WWTR1: variants seen among roughly 807,000 people sequenced by gnomAD.
WWTR1 encodes WW domain containing transcription regulator 1.
In WWTR1, 13 loss-of-function variants were observed where a neutral mutation model predicts 40.1. The observed-to-expected ratio is 0.32, with a 90% CI of 0.21 to 0.52. WWTR1 has a LOEUF of 0.52. Among genes scored for constraint, WWTR1 ranks in the 20% least tolerant of loss-of-function variants. The pLI, the probability that WWTR1 is intolerant of heterozygous loss-of-function variation, is 0.97. For missense variants in WWTR1, 436 were observed against 523.1 expected (o/e 0.83, Z 1.63); for synonymous variants, 230 against 210.1 (o/e 1.09, Z -0.82).
At chr3:149,607,418 C>A (rs147767381) in intron 2 of WWTR1, among the ~76,000 whole-genome samples, 58 of 152,262 alleles carry the variant, frequency 3.8e-4, no homozygotes, top group African/African-American at 1.4e-3. Flanking sequence ...GGATTCACGC[C>A]ATTCTCCTGC....
chr3:149,593,211 G>A (rs1030689707), intron 2 of WWTR1, among the ~76,000 whole-genome samples: 11 of 152,218 alleles, frequency 7.2e-5, no homozygotes, highest in Admixed American at 6.5e-5. Flanking sequence ...GCCCCACAAC[G>A]TAGAATCGAG....
At chr3:149,535,711 A>AG in intron 4 of WWTR1, among the ~76,000 whole-genome samples, 1 of 143,686 alleles carries the variant, frequency 7.0e-6, no homozygotes, top group Admixed American at 6.9e-5. Context: ...TCTTCACTTA[A>AG]AAAAAAAAAA....
Position 149,564,399 on chromosome 3 carries a change from T to C in WWTR1, c.568+8465A>G, listed in dbSNP as rs762021272. ...TGAGCATTCTTGGTTTTGTCTTTAA[T>C]ACACATGGGGCCTGGAGCCTTTTTT... is the stretch of plus-strand genomic sequence containing the variant. On this transcript the variant is annotated intron_variant, in intron 3 of 6. Coordinates refer to ENST00000360632, the MANE Select transcript of WWTR1 (RefSeq NM_015472.6). 4.6e-4 allele frequency among the ~76,000 whole-genome samples: 70 copies of C among 152,042 alleles called. 1 individual carries two copies. Among genetic ancestry groups the C allele is most frequent in the Non-Finnish European group, 1.2e-4 (8 of 68,014 alleles).
chr3:149,552,491 T>C (rs1186995740), intron 3 of WWTR1, among the ~76,000 whole-genome samples: 2 of 152,246 alleles, frequency 1.3e-5, no homozygotes, highest in East Asian at 3.9e-4. Context: ...GCCTCACCCA[T>C]AACTCATCTT....
intron 4 of WWTR1, among the ~76,000 whole-genome samples, chr3:149,538,628 C>G (rs923951707): frequency 1.3e-5 from 2 of 152,296 alleles, no homozygotes; most frequent in East Asian, 3.9e-4. Flanking sequence ...AGCAGAGATA[C>G]CAAACCTTAC....
At chr3:149,657,414 A>G in intron 1 of WWTR1, 105 bp from the exon 2 acceptor site, 1 of 1,319,244 alleles carries the variant, frequency 7.6e-7, no homozygotes, top group South Asian at 1.5e-5. Flanking sequence ...ATAGAGGGAA[A>G]AGGAAACGAG....
In WWTR1 at chr3:149,519,015, T is replaced by G. The variant is rs1365669209; in HGVS notation, c.*1790A>C. The G allele has an allele frequency of 6.6e-6, 1 of 152,096 alleles. No individual in the cohort carries two copies. The highest frequency in any genetic ancestry group is 1.5e-5 in the Non-Finnish European group (1 of 68,024). The allele number at this position is 152,096 out of a possible 1,614,324, so 9.4% of individuals were successfully genotyped here. A position where few individuals can be genotyped will look rare whatever the true frequency, so the allele number is the denominator to read the frequency against. On this transcript the variant is annotated 3_prime_UTR_variant, in exon 7 of 7. Coordinates refer to ENST00000360632, the MANE Select transcript of WWTR1 (RefSeq NM_015472.6). ...ATATTCCGGTAGATCAAAAGGAATC[T>G]TATTTAAGATCCCCAACAAATAAGT...
intron 6 of WWTR1, 148 bp from the exon 7 acceptor site, chr3:149,521,137 G>T (rs1225101295): frequency 1.0e-6 from 1 of 962,192 alleles, no homozygotes; most frequent in Non-Finnish European, 1.5e-6. Flanking sequence ...AGATGTGGAA[G>T]AAATCGAAAA....
chr3:149,527,153 C>CTTT (rs755334881), intron 5 of WWTR1, among the ~76,000 whole-genome samples: 2 of 144,426 alleles, frequency 1.4e-5, no homozygotes, highest in African/African-American at 5.2e-5. Context: ...CTTTTCTTTT[C>CTTT]TTTCTTTTTT....
At position 149,612,751 on chromosome 3, in the gene WWTR1, G is replaced by A. The variant is rs377022159; in HGVS notation, c.432-39751C>T. Among the ~76,000 whole-genome samples, 5 of 152,258 alleles carry A rather than the reference G, an allele frequency of 3.3e-5. No individual in the cohort carries two copies. In the East Asian group the frequency reaches 7.7e-4, roughly 23 times the overall value. On this transcript the variant is annotated intron_variant, in intron 2 of 6. Coordinates refer to ENST00000360632, the MANE Select transcript of WWTR1 (RefSeq NM_015472.6). Reference sequence around the variant, plus strand: ...GAGTTATTCTCAGCATTTGTCATATGAGAGATCAGAATTCCTGCACTCGTC... The same window carrying A: ...GAGTTATTCTCAGCATTTGTCATATAAGAGATCAGAATTCCTGCACTCGTC...
At chr3:149,584,567 C>T (rs547529838) in intron 2 of WWTR1, among the ~76,000 whole-genome samples, 6 of 152,252 alleles carry the variant, frequency 3.9e-5, no homozygotes, top group African/African-American at 9.6e-5. Context: ...ACTGAGGCAT[C>T]GAAAGGGACC....
intron 4 of WWTR1, among the ~76,000 whole-genome samples, chr3:149,532,330 A>G (rs1194056053): frequency 1.3e-5 from 2 of 152,240 alleles, no homozygotes; most frequent in South Asian, 2.1e-4. Flanking sequence ...GAACTGATCC[A>G]CTTTAAGTGG....
intron 2 of WWTR1, among the ~76,000 whole-genome samples, chr3:149,668,712 A>G (rs994910900): frequency 1.3e-5 from 2 of 152,174 alleles, no homozygotes; most frequent in African/African-American, 4.8e-5. Context: ...AGTAGTTACC[A>G]ATGGGGAACG....
intron 4 of WWTR1, among the ~76,000 whole-genome samples, chr3:149,719,236 T>C (rs11920290): frequency 0.32 from 49,191 of 151,428 alleles, 8,191 homozygotes; most frequent in South Asian, 0.4. Context: ...TGGCATCATC[T>C]TGGGGCTCAC....
intron 2 of WWTR1, among the ~76,000 whole-genome samples, chr3:149,653,076 A>G (rs1712987325): frequency 6.6e-6 from 1 of 152,252 alleles, no homozygotes; most frequent in Admixed American, 6.5e-5. Context: ...CAAATGTTAT[A>G]GTCTGAATTG....
intron 2 of WWTR1, among the ~76,000 whole-genome samples, chr3:149,664,440 A>G (rs955871112): frequency 5.3e-5 from 8 of 152,226 alleles, no homozygotes; most frequent in Non-Finnish European, 8.8e-5. Flanking sequence ...AAATATGCAA[A>G]TACCTAAATA....
At chr3:149,635,225 G>C (rs1711755657) in intron 2 of WWTR1, among the ~76,000 whole-genome samples, 1 of 152,106 alleles carries the variant, frequency 6.6e-6, no homozygotes, top group Non-Finnish European at 1.5e-5. Flanking sequence ...TGTATTTTTA[G>C]TAATTGGACT....
intron 2 of WWTR1, among the ~76,000 whole-genome samples, chr3:149,652,943 T>C (rs1712979778): frequency 6.6e-6 from 1 of 152,196 alleles, no homozygotes; most frequent in Non-Finnish European, 1.5e-5. Flanking sequence ...TTTCAACAAA[T>C]GTCCTCCTGT....
intron 2 of WWTR1, among the ~76,000 whole-genome samples, chr3:149,609,342 C>G (rs1739631053): frequency 6.6e-6 from 1 of 152,116 alleles, no homozygotes; most frequent in Admixed American, 6.5e-5. Flanking sequence ...ACTACACCTC[C>G]CCACCTAAGA....
Sources: allele counts gnomAD v4.1 joint callset (sites outside exome capture counted in the v4.1 genomes callset), GRCh38; gene constraint gnomAD v4.1.1; transcripts MANE v1.5; gene names NCBI Gene and HGNC (gene_info 2026-07-23, HGNC 2026-07-21).